The following RASEF variants were observed in gnomAD, a reference collection of about 807,000 sequenced individuals.
RASEF encodes RAS and EF-hand domain containing.
A neutral mutation model predicts 90.1 loss-of-function variants in RASEF; 68 were observed. The observed-to-expected ratio is 0.75, with a 90% CI of 0.62 to 0.92. The LOEUF (loss-of-function observed/expected upper bound fraction) is 0.92, where lower values mean the gene tolerates loss of function less well. Among genes scored for constraint, RASEF ranks in the 40% least tolerant of loss-of-function variants. RASEF has a pLI of 0.00. For synonymous variants in RASEF, 331 were observed against 345.2 expected, an observed-to-expected ratio of 0.96 and a Z score of 0.46; for missense variants, 949 against 937.2, an observed-to-expected ratio of 1.01 and a Z score of -0.16.
At chr9:82,983,778 A>C (rs527247091) in intron 16 of RASEF, among the ~76,000 whole-genome samples, 13 of 152,342 alleles carry the variant, frequency 8.5e-5, no homozygotes, top group African/African-American at 3.1e-4. Context: ...TCCAGGGTTC[A>C]AGGAGTCCAG....
chr9:83,124,772 G>A, the RASEF span, among the ~76,000 whole-genome samples: 2 of 152,138 alleles, frequency 1.3e-5, no homozygotes, highest in African/African-American at 4.8e-5. Context: ...CATAGATGGG[G>A]AAAAGTGGAA....
At chr9:82,993,506 T>A (rs1425135298) in intron 14 of RASEF, among the ~76,000 whole-genome samples, 1 of 152,192 alleles carries the variant, frequency 6.6e-6, no homozygotes, top group Non-Finnish European at 1.5e-5. Context: ...ACAATAGTGA[T>A]CACAAGCCAA....
At chr9:83,053,605 T>G (rs1830056940) in intron 1 of RASEF, among the ~76,000 whole-genome samples, 1 of 127,828 alleles carries the variant, frequency 7.8e-6, no homozygotes, top group Admixed American at 7.6e-5. Flanking sequence ...AGCTGGTGAT[T>G]TTGCTCATTA....
chr9:82,983,247 C>T (rs1246209908), intron 16 of RASEF, among the ~76,000 whole-genome samples: 1 of 152,024 alleles, frequency 6.6e-6, no homozygotes, highest in Non-Finnish European at 1.5e-5. Context: ...AACCAGGTTT[C>T]CAGCTTCATG....
Position 83,000,319 on chromosome 9 carries a change from G to A in RASEF, c.1576-3C>T, listed in dbSNP as rs1182929510. 6.2e-7 allele frequency: 1 copy of A among 1,612,510 alleles called. No homozygotes were observed. The highest frequency in any genetic ancestry group is 1.7e-5 in the Admixed American group (1 of 59,742). The stretch of plus-strand genomic sequence containing the variant: ...GCGTTGTCATCTACCAGGTCTGTCT[G>A]GGGGGAAAAGCCACAGTGAATGATA... On this transcript the variant is annotated splice_polypyrimidine_tract_variant and splice_region_variant and intron_variant, in intron 11 of 16. Coordinates refer to ENST00000376447, the MANE Select transcript of RASEF (RefSeq NM_152573.4).
the RASEF span, among the ~76,000 whole-genome samples, chr9:83,085,510 T>C: frequency 6.6e-6 from 1 of 152,048 alleles, no homozygotes; most frequent in East Asian, 1.9e-4. Flanking sequence ...GGCTGCACAC[T>C]GGTAGTCCCA....
chr9:83,005,974 G>A (rs527768265), intron 7 of RASEF, among the ~76,000 whole-genome samples: 3 of 152,108 alleles, frequency 2.0e-5, no homozygotes, highest in Non-Finnish European at 4.4e-5. Flanking sequence ...AAACACTTGG[G>A]TGATGATCTC....
At chr9:83,218,851 C>T in the RASEF span, among the ~76,000 whole-genome samples, 3 of 152,128 alleles carry the variant, frequency 2.0e-5, no homozygotes, top group South Asian at 2.1e-4. Flanking sequence ...TGGGAACTAT[C>T]CCAGCGTGGA....
chr9:83,031,292 G>A (rs1195227957), intron 1 of RASEF, among the ~76,000 whole-genome samples: 4 of 152,126 alleles, frequency 2.6e-5, no homozygotes, highest in Non-Finnish European at 5.9e-5. Flanking sequence ...AAACATTTAT[G>A]AGCGGGTAAG....
At chr9:83,215,955 C>T in the RASEF span, among the ~76,000 whole-genome samples, 4 of 152,144 alleles carry the variant, frequency 2.6e-5, no homozygotes, top group Non-Finnish European at 4.4e-5. Flanking sequence ...AGATAAGGAA[C>T]TTGTTGGAAA....
At chr9:83,214,753 C>T in the RASEF span, among the ~76,000 whole-genome samples, 1 of 152,000 alleles carries the variant, frequency 6.6e-6, no homozygotes, top group Non-Finnish European at 1.5e-5. Context: ...TAAGACATGG[C>T]TTTGTTCCTC....
chr9:83,002,224 T>C (rs1198338724), intron 9 of RASEF, among the ~76,000 whole-genome samples: 2 of 152,218 alleles, frequency 1.3e-5, no homozygotes, highest in Non-Finnish European at 2.9e-5. Context: ...GAAGTGGATA[T>C]GCTTAGATGA....
At chr9:83,140,121 C>A in the RASEF span, among the ~76,000 whole-genome samples, 2 of 152,166 alleles carry the variant, frequency 1.3e-5, no homozygotes, top group African/African-American at 4.8e-5. Context: ...TGCTAGAGAC[C>A]TATTTCCTTG....
intron 1 of RASEF, chr9:83,049,391 T>C (rs1343712773): frequency 6.1e-5 from 57 of 933,120 alleles, no homozygotes; most frequent in African/African-American, 7.1e-5. Context: ...ATGGCTATCT[T>C]GAACACATTT....
At chr9:83,146,504 T>G in the RASEF span, among the ~76,000 whole-genome samples, 1 of 152,162 alleles carries the variant, frequency 6.6e-6, no homozygotes, top group African/African-American at 2.4e-5. Context: ...GAATCCAATA[T>G]TTGCACACCA....
the RASEF span, among the ~76,000 whole-genome samples, chr9:83,073,183 G>T: frequency 6.6e-6 from 1 of 152,030 alleles, no homozygotes; most frequent in East Asian, 1.9e-4. Context: ...CCCTCCTGCT[G>T]GTAGGGTTTG....
the RASEF span, among the ~76,000 whole-genome samples, chr9:83,204,234 G>T: frequency 1.4e-4 from 22 of 152,192 alleles, no homozygotes; most frequent in African/African-American, 3.6e-4. Flanking sequence ...AGCACCACAG[G>T]GTTGGCCACT....
intron 14 of RASEF, among the ~76,000 whole-genome samples, chr9:82,996,568 A>G (rs1455055544): frequency 1.3e-5 from 2 of 152,126 alleles, no homozygotes; most frequent in Admixed American, 1.3e-4. Flanking sequence ...AAGAGAAGAG[A>G]GCTCCCATAC....
At chr9:83,142,004 CA>C in the RASEF span, among the ~76,000 whole-genome samples, 1 of 152,052 alleles carries the variant, frequency 6.6e-6, no homozygotes, top group African/African-American at 2.4e-5. Flanking sequence ...AAACTATGTA[CA>C]AAAGGAAAAA....
Sources: gnomAD v4.1 joint callset for allele counts (sites outside exome capture counted in the v4.1 genomes callset) on GRCh38, gnomAD v4.1.1 for gene constraint, MANE v1.5 for transcripts, NCBI Gene and HGNC (gene_info 2026-07-23, HGNC 2026-07-21) for gene names.